AP1G1: variants seen among roughly 807,000 people sequenced by gnomAD.
AP1G1 encodes AP-1 complex subunit gamma-1.
A neutral mutation model predicts 108.3 loss-of-function variants in AP1G1; 7 were observed. The observed-to-expected ratio is 0.06, with a 90% CI of 0.04 to 0.12. AP1G1 has a LOEUF of 0.12. Among genes scored for constraint, AP1G1 ranks in the 10% least tolerant of loss-of-function variants. The probability of loss-of-function intolerance (pLI) is 1.00; values close to 1 mark genes in which losing one functional copy is unlikely to be tolerated. For missense variants in AP1G1, 756 were observed against 1,010.7 expected (o/e 0.75, Z 3.42); for synonymous variants, 379 against 353.5 (o/e 1.07, Z -0.81).
At chr16:71,793,378 G>A (rs918735177) in intron 1 of AP1G1, among the ~76,000 whole-genome samples, 5 of 152,026 alleles carry the variant, frequency 3.3e-5, no homozygotes, top group East Asian at 3.9e-4. Context: ...CATTCAGCCC[G>A]TTCTGGAATA....
At chr16:71,770,924 A>C (rs1163461171) in intron 5 of AP1G1, among the ~76,000 whole-genome samples, 1 of 152,202 alleles carries the variant, frequency 6.6e-6, no homozygotes, top group African/African-American at 2.4e-5. Flanking sequence ...AATAAAGTAA[A>C]AGAGGACCAG....
chr16:71,767,195 C>T (rs1278466686), intron 6 of AP1G1, among the ~76,000 whole-genome samples: 1 of 152,110 alleles, frequency 6.6e-6, no homozygotes, highest in Admixed American at 6.5e-5. Context: ...ATAACATTAC[C>T]CTGGGACACA....
chr16:71,789,938 AAT>A (rs1319299861), intron 1 of AP1G1, among the ~76,000 whole-genome samples: 2 of 152,174 alleles, frequency 1.3e-5, no homozygotes, highest in Non-Finnish European at 2.9e-5. Context: ...AACTCAACAA[AAT>A]ATGAGAGATT....
At chr16:71,769,503 T>A (rs1410058854) in intron 6 of AP1G1, 120 bp downstream of exon 6, 1 of 966,722 alleles carries the variant, frequency 1.0e-6, no homozygotes, top group Non-Finnish European at 1.6e-6. Flanking sequence ...GCAGGGCTAG[T>A]TAAATCCCTT....
chr16:71,734,804 C>T (rs113618277), intron 21 of AP1G1, 97 bp from the exon 22 acceptor site: 54 of 936,842 alleles, frequency 5.8e-5, no homozygotes, highest in African/African-American at 4.5e-4. Context: ...ATGGGTCAAG[C>T]AACAGATTTC....
chr16:71,785,651 G>A (rs950321694), intron 2 of AP1G1, among the ~76,000 whole-genome samples: 4 of 150,798 alleles, frequency 2.7e-5, no homozygotes, highest in South Asian at 2.1e-4. Flanking sequence ...TTGGGAGGCC[G>A]AGGCGGGCAG....
chr16:71,764,229 T>G (rs1197049726), intron 9 of AP1G1, 121 bp downstream of exon 9: 2 of 580,608 alleles, frequency 3.4e-6, no homozygotes, highest in African/African-American at 3.9e-5. Flanking sequence ...ATTCCACATT[T>G]TGCATCATTC....
chr16:71,749,935 G>GATC lies in AP1G1; in HGVS notation c.1453_1455dup (p.Asp485dup). On this transcript the variant is annotated inframe_insertion, in exon 15 of 23. Coordinates refer to ENST00000299980, the MANE Select transcript of AP1G1 (RefSeq NM_001128.6). ...TCTTCACACTGGCCAGATACAAGAA[G>GATC]ATCACCATATTCACCTATACACCAT... 1 of 1,613,388 alleles carries GATC rather than the reference G, an allele frequency of 6.2e-7. No homozygotes were observed. Among genetic ancestry groups the GATC allele is most frequent in the Non-Finnish European group, 8.5e-7 (1 of 1,179,388 alleles).
chr16:71,750,986 C>T (rs975914884), intron 13 of AP1G1, among the ~76,000 whole-genome samples: 29 of 151,452 alleles, frequency 1.9e-4, no homozygotes, highest in Non-Finnish European at 2.8e-4. Context: ...GAAACCCCGT[C>T]TCTACTAAAA....
chr16:71,753,757 G>T, intron 13 of AP1G1, 76 bp downstream of exon 13: 2 of 1,333,520 alleles, frequency 1.5e-6, no homozygotes, highest in South Asian at 1.2e-5. Flanking sequence ...TTACCTCCCT[G>T]ACTAGAACAT....
At chr16:71,767,975 A>G in intron 6 of AP1G1, 3 of 1,401,086 alleles carry the variant, frequency 2.1e-6, no homozygotes, top group Non-Finnish European at 3.0e-6. Flanking sequence ...ACTATATTAC[A>G]ATAATTTAAT....
At chr16:71,805,299 T>C (rs965428202) in intron 1 of AP1G1, among the ~76,000 whole-genome samples, 9 of 151,828 alleles carry the variant, frequency 5.9e-5, no homozygotes, top group Non-Finnish European at 1.3e-4. Flanking sequence ...AATACAAAAA[T>C]TAGCTGGGCA....
intron 2 of AP1G1, among the ~76,000 whole-genome samples, chr16:71,786,428 C>T (rs1000058983): frequency 3.9e-5 from 6 of 152,036 alleles, no homozygotes; most frequent in African/African-American, 1.4e-4. Context: ...GAGTTCAACA[C>T]CAACCAGGGA....
chr16:71,795,157 T>C (rs1009249728), intron 1 of AP1G1, among the ~76,000 whole-genome samples: 2 of 152,102 alleles, frequency 1.3e-5, no homozygotes, highest in Admixed American at 6.6e-5. Flanking sequence ...GAACTCACAC[T>C]GCCCACTGTG....
At chr16:71,786,581 C>T (rs2032209652) in intron 2 of AP1G1, among the ~76,000 whole-genome samples, 1 of 152,164 alleles carries the variant, frequency 6.6e-6, no homozygotes. Flanking sequence ...CTGCTTCAGC[C>T]TCCTGAGTAG....
chr16:71,780,911 G>C (rs933569495), intron 2 of AP1G1, among the ~76,000 whole-genome samples: 4 of 150,566 alleles, frequency 2.7e-5, no homozygotes, highest in Non-Finnish European at 5.9e-5. Flanking sequence ...TCAAACTCCT[G>C]AGCTCAGGCC....
chr16:71,779,302 G>A (rs1034721367), intron 2 of AP1G1, among the ~76,000 whole-genome samples: 1 of 148,262 alleles, frequency 6.7e-6, no homozygotes, highest in Non-Finnish European at 1.5e-5. Context: ...CATAGACACT[G>A]ACAATTTAAT....
chr16:71,793,099 T>A (rs560203021), intron 1 of AP1G1, among the ~76,000 whole-genome samples: 1 of 150,746 alleles, frequency 6.6e-6, no homozygotes, highest in South Asian at 2.1e-4. Context: ...AGCCTAGGAG[T>A]GAGGCTGCAG....
intron 9 of AP1G1, among the ~76,000 whole-genome samples, chr16:71,763,890 G>T (rs1353236175): frequency 6.6e-6 from 1 of 152,048 alleles, no homozygotes; most frequent in African/African-American, 2.4e-5. Context: ...TGAGGGAAAT[G>T]AAAAATTGTC....
Sources: gnomAD v4.1 joint callset for allele counts (sites outside exome capture counted in the v4.1 genomes callset) on GRCh38, gnomAD v4.1.1 for gene constraint, MANE v1.5 for transcripts, NCBI Gene and HGNC (gene_info 2026-07-23, HGNC 2026-07-21) for gene names.